NXPH1: variants seen among roughly 807,000 people sequenced by gnomAD.
NXPH1 encodes the protein neurexophilin-1.
A neutral mutation model predicts 23.7 loss-of-function variants in NXPH1; 5 were observed. The observed-to-expected ratio is 0.21, with a 90% CI of 0.11 to 0.44. NXPH1 has a LOEUF of 0.44. Among genes scored for constraint, NXPH1 ranks in the 20% least tolerant of loss-of-function variants. The pLI is 0.99. For missense variants in NXPH1, 324 were observed against 321.6 expected, an observed-to-expected ratio of 1.01 and a Z score of -0.06; for synonymous variants, 144 against 122.2, an observed-to-expected ratio of 1.18 and a Z score of -1.18.
chr7:8,588,875 T>G (rs1202217848), intron 2 of NXPH1, among the ~76,000 whole-genome samples: 2 of 152,132 alleles, frequency 1.3e-5, no homozygotes, highest in Non-Finnish European at 2.9e-5. Flanking sequence ...GGAACTTCAT[T>G]GTTTACAATT....
chr7:8,435,856 C>G lies in NXPH1; in HGVS notation c.54+89C>G. ...GACACGCGGGAGAAGGGTTACGCCG[C>G]CAGTTCAGTGAGAGCAGCTTCCTAG... On this transcript the variant is annotated intron_variant, in intron 2 of 2. Transcript: ENST00000405863. The surrounding 1 kb of genome is among the most constrained non-coding windows in gnomAD (Gnocchi z 5.9). 8.1e-7 allele frequency: 1 copy of G among 1,230,964 alleles called. No homozygotes were observed. Among genetic ancestry groups the G allele is most frequent in the South Asian group, 1.2e-5 (1 of 83,260 alleles). 76.3% of individuals were successfully genotyped at this position (1,230,964 alleles called of 1,614,324 possible).
intron 2 of NXPH1, among the ~76,000 whole-genome samples, chr7:8,665,604 T>C (rs1394768693): frequency 6.6e-6 from 1 of 152,046 alleles, no homozygotes; most frequent in Non-Finnish European, 1.5e-5. Flanking sequence ...TAGATAACTC[T>C]GGGCTGTATG....
At chr7:8,460,935 G>T (rs10249704) in intron 2 of NXPH1, among the ~76,000 whole-genome samples, 25,295 of 152,188 alleles carry the variant, frequency 0.17, 5,420 homozygotes, top group African/African-American at 0.5. Context: ...ACTCAGTAGG[G>T]CCTCATCACA....
intron 2 of NXPH1, among the ~76,000 whole-genome samples, chr7:8,678,980 G>T (rs1275920070): frequency 4.5e-5 from 4 of 87,986 alleles, no homozygotes; most frequent in South Asian, 3.7e-4. Flanking sequence ...ACGGAGTCTC[G>T]CTCTGTCACC....
chr7:8,459,619 C>G (rs1422679891), intron 2 of NXPH1, among the ~76,000 whole-genome samples: 1 of 152,154 alleles, frequency 6.6e-6, no homozygotes, highest in African/African-American at 2.4e-5. Flanking sequence ...CTAATGACTT[C>G]AGCTTTGATT....
At chr7:8,667,579 T>C (rs539762597) in intron 2 of NXPH1, among the ~76,000 whole-genome samples, 58 of 152,208 alleles carry the variant, frequency 3.8e-4, no homozygotes, top group African/African-American at 1.4e-3. Flanking sequence ...CTCTCATATA[T>C]GTGATTTGCA....
intron 2 of NXPH1, among the ~76,000 whole-genome samples, chr7:8,657,828 G>C (rs1820605558): frequency 6.6e-6 from 1 of 152,208 alleles, no homozygotes; most frequent in Admixed American, 6.5e-5. Context: ...AGGAGTTCAA[G>C]ACCAGCCTGG....
chr7:8,460,708 A>C (rs1816679038), intron 2 of NXPH1, among the ~76,000 whole-genome samples: 1 of 152,208 alleles, frequency 6.6e-6, no homozygotes, highest in Non-Finnish European at 1.5e-5. Context: ...TTTATTGCTT[A>C]ATGGAAAGTA....
At chr7:8,569,878 G>T (rs1414878756) in intron 2 of NXPH1, among the ~76,000 whole-genome samples, 1 of 151,902 alleles carries the variant, frequency 6.6e-6, no homozygotes, top group East Asian at 1.9e-4. Context: ...TACTGGTTGT[G>T]TGTCTATGGG....
rs372730649 is a variant in NXPH1, at chr7:8,750,705, T to A, written c.55-303T>A. Among the ~76,000 whole-genome samples the A allele has an allele frequency of 3.3e-5, 5 of 152,300 alleles. No homozygotes were observed. The East Asian group carries it at 9.6e-4, about 29-fold the overall frequency. On this transcript the variant is annotated intron_variant, in intron 2 of 2. Transcript: ENST00000405863. Reference sequence around the variant, plus strand: ...GTTTTATATAATTTTCAGGTCATATTTAGTAGTTTTTCCACCCACATCTCC... The same window carrying A: ...GTTTTATATAATTTTCAGGTCATATATAGTAGTTTTTCCACCCACATCTCC...
intron 2 of NXPH1, among the ~76,000 whole-genome samples, chr7:8,597,569 G>C (rs1277850227): frequency 1.3e-5 from 2 of 151,994 alleles, no homozygotes; most frequent in Non-Finnish European, 2.9e-5. Context: ...CAGATACTCA[G>C]AGGAACCAGT....
At chr7:8,724,513 AG>A (rs576489862) in intron 2 of NXPH1, among the ~76,000 whole-genome samples, 3 of 152,218 alleles carry the variant, frequency 2.0e-5, no homozygotes, top group Non-Finnish European at 4.4e-5. Flanking sequence ...ACATTAAAAG[AG>A]GGTTGAGGGA....
chr7:8,737,224 G>T (rs560818065), intron 2 of NXPH1, among the ~76,000 whole-genome samples: 1 of 152,110 alleles, frequency 6.6e-6, no homozygotes, highest in Non-Finnish European at 1.5e-5. Context: ...TCTTCATAGT[G>T]TTGATGGTCT....
At chr7:8,566,797 T>A (rs933950150) in intron 2 of NXPH1, among the ~76,000 whole-genome samples, 8 of 151,866 alleles carry the variant, frequency 5.3e-5, no homozygotes, top group African/African-American at 1.9e-4. Flanking sequence ...GTCTTGGGAC[T>A]TAGCCTCCCT....
intron 2 of NXPH1, among the ~76,000 whole-genome samples, chr7:8,480,454 A>G (rs1349010012): frequency 6.6e-6 from 1 of 152,180 alleles, no homozygotes; most frequent in African/African-American, 2.4e-5. Flanking sequence ...GCCATGATTC[A>G]GAATGGACAA....
At chr7:8,670,687 C>T (rs10486245) in intron 2 of NXPH1, among the ~76,000 whole-genome samples, 5,626 of 152,268 alleles carry the variant, frequency 0.037, 238 homozygotes, top group African/African-American at 0.1. Flanking sequence ...TTCTTTAAAA[C>T]ATAGGTCAGT....
rs1405215106 is a variant in NXPH1 at position 8,674,198 on chromosome 7, CACACA to C, written c.55-76809_55-76805del. Among the ~76,000 whole-genome samples the C allele has an allele frequency of 4.3e-3, 626 of 143,972 alleles. 3 individuals carry two copies. The highest frequency in any genetic ancestry group is 8.8e-3 in the South Asian group (38 of 4,312). The allele number at this position is 143,972 out of a possible 152,430, so 94.5% of individuals were successfully genotyped here. A position where few individuals can be genotyped will look rare whatever the true frequency, so the allele number is the denominator to read the frequency against. ...ACACACACACACACACACACACACA[CACACA>C]CCTATGCAATTCAATCCTTGCTGCA... On this transcript the variant is annotated intron_variant, in intron 2 of 2. Transcript: ENST00000405863.
At chr7:8,492,168 T>C (rs560080827) in intron 2 of NXPH1, among the ~76,000 whole-genome samples, 9 of 152,216 alleles carry the variant, frequency 5.9e-5, no homozygotes, top group African/African-American at 2.2e-4. Context: ...TACTGCACTT[T>C]TATTGTGATC....
Position 8,751,293 on chromosome 7 carries a change from A to G in NXPH1, c.340A>G (p.Lys114Glu). The change falls in exon 3 of 3, where the codon AAG becomes GAG. Residue 114 changes from lysine to glutamate, a missense_variant. By Grantham distance (56) the Lys-to-Glu change is moderately conservative. Coordinates refer to ENST00000405863, the MANE Select transcript of NXPH1 (RefSeq NM_152745.3). The surrounding 1 kb of genome is among the most constrained non-coding windows in gnomAD (Gnocchi z 4.5). The part of the protein sequence containing the change: ...AKRRPIVKTG[K>E]FKKMFGWGDF... ...GAGAAGGCCCATTGTTAAAACGGGCAAGTTTAAGAAAATGTTTGGATGGGG... is the reference window on the plus strand; with the variant it reads ...GAGAAGGCCCATTGTTAAAACGGGCGAGTTTAAGAAAATGTTTGGATGGGG... 1 of 1,613,944 alleles carries G rather than the reference A, an allele frequency of 6.2e-7. No homozygotes were observed. The highest frequency in any genetic ancestry group is 8.5e-7 in the Non-Finnish European group (1 of 1,179,854).
Sources: allele counts gnomAD v4.1 joint callset (sites outside exome capture counted in the v4.1 genomes callset), GRCh38; gene constraint gnomAD v4.1.1; non-coding constraint Gnocchi (gnomAD v3.1); transcripts MANE v1.5; gene names NCBI Gene and HGNC (gene_info 2026-07-23, HGNC 2026-07-21).